Variants in HS3ST5 observed in about 807,000 individuals in gnomAD.
HS3ST5 encodes heparan sulfate glucosamine 3-O-sulfotransferase 5.
Under a neutral mutation model 25.4 loss-of-function variants are expected in HS3ST5, and 10 were observed. That is an observed-to-expected ratio of 0.39 (90% CI 0.24 to 0.67). The LOEUF is 0.67. Ranked by LOEUF, HS3ST5 falls within the 30% of genes least tolerant of loss-of-function variation. The pLI is 0.44. For missense variants in HS3ST5, 324 were observed against 420.7 expected, an observed-to-expected ratio of 0.77 and a Z score of 2.01; for synonymous variants, 170 against 162.4, an observed-to-expected ratio of 1.05 and a Z score of -0.36.
At chr6:114,276,883 G>A (rs1773880316) in intron 1 of HS3ST5, among the ~76,000 whole-genome samples, 1 of 151,880 alleles carries the variant, frequency 6.6e-6, no homozygotes. Context: ...TTGTATTTAT[G>A]TAAGGAAATA....
At position 114,194,784 on chromosome 6, in the gene HS3ST5, A is replaced by T. The variant is rs1406346792; in HGVS notation, c.-144-26322T>A. Among the ~76,000 whole-genome samples, 3 of 152,180 alleles carry T rather than the reference A, an allele frequency of 2.0e-5. No homozygotes were observed. In the East Asian group the frequency reaches 5.8e-4, roughly 29 times the overall value. On this transcript the variant is annotated intron_variant, in intron 2 of 4. Transcript: ENST00000312719. ...TGCACATGGGCAGGTCTCTCCTTTC[A>T]TGAATATTTATGACTCCTCCTATAG...
chr6:114,142,852 A>C (rs1370076563), intron 3 of HS3ST5: 1 of 152,222 alleles, frequency 6.6e-6, no homozygotes, highest in East Asian at 1.9e-4. Flanking sequence ...ACTGCTACTA[A>C]GTAAAAGTTA....
At chr6:114,306,694 G>A (rs774157102) in intron 1 of HS3ST5, among the ~76,000 whole-genome samples, 10 of 152,196 alleles carry the variant, frequency 6.6e-5, no homozygotes, top group Non-Finnish European at 1.0e-4. Flanking sequence ...AGCTATATGT[G>A]AAAGATACTA....
intron 2 of HS3ST5, among the ~76,000 whole-genome samples, chr6:114,205,927 C>A (rs1342362526): frequency 6.6e-6 from 1 of 152,142 alleles, no homozygotes; most frequent in African/African-American, 2.4e-5. Flanking sequence ...AAACCCCCAA[C>A]CCTACGATTC....
chr6:114,119,428 T>C (rs1256472068), intron 3 of HS3ST5, among the ~76,000 whole-genome samples: 2 of 152,240 alleles, frequency 1.3e-5, no homozygotes, highest in East Asian at 3.9e-4. Flanking sequence ...CTTTCAAAAG[T>C]TGGGGAGGCA....
At chr6:114,267,268 A>AGT (rs1327000745) in intron 1 of HS3ST5, among the ~76,000 whole-genome samples, 1 of 152,216 alleles carries the variant, frequency 6.6e-6, no homozygotes, top group African/African-American at 2.4e-5. Context: ...AAAGGTACCC[A>AGT]TTTTAAAGGG....
chr6:114,168,603 C>A (rs1779327443), intron 2 of HS3ST5, 141 bp from the exon 3 acceptor site: 1 of 152,270 alleles, frequency 6.6e-6, no homozygotes, highest in East Asian at 1.9e-4. Flanking sequence ...TTCTTTCTCT[C>A]TTTCTTTTTT....
intron 1 of HS3ST5, among the ~76,000 whole-genome samples, chr6:114,280,442 C>T (rs187132129): frequency 9.9e-5 from 15 of 152,006 alleles, no homozygotes; most frequent in Admixed American, 2.6e-4. Context: ...TCAGGAGGTA[C>T]GCCCTCTTCC....
chr6:114,159,770 T>A (rs1317990329), intron 3 of HS3ST5, among the ~76,000 whole-genome samples: 3 of 152,200 alleles, frequency 2.0e-5, no homozygotes. Context: ...TATCAAAAAA[T>A]TTTCTGGCAC....
chr6:114,221,130 C>T (rs1031563051), intron 2 of HS3ST5, among the ~76,000 whole-genome samples: 1 of 151,934 alleles, frequency 6.6e-6, no homozygotes, highest in African/African-American at 2.4e-5. Context: ...TTTCACACAC[C>T]TGTCAAACAA....
At chr6:114,161,871 CA>C (rs1350335653) in intron 3 of HS3ST5, among the ~76,000 whole-genome samples, 2 of 151,442 alleles carry the variant, frequency 1.3e-5, no homozygotes, top group African/African-American at 4.8e-5. Flanking sequence ...AATGAAGACA[CA>C]AAAACCCCCA....
In HS3ST5 at chr6:114,335,649, C is replaced by CT. The variant is rs939502327; in HGVS notation, c.-339+6545dup. ...GAATTAGCTGTCCCAAAAGCCTCCTCTTTTTTTTTTTTCTTTTTTTAAATT... is the reference window on the plus strand; with the variant it reads ...GAATTAGCTGTCCCAAAAGCCTCCTCTTTTTTTTTTTTTCTTTTTTTAAATT... On this transcript the variant is annotated intron_variant, in intron 1 of 4. Coordinates refer to ENST00000312719, the MANE Select transcript of HS3ST5 (RefSeq NM_153612.4). 2.6e-3 allele frequency among the ~76,000 whole-genome samples: 372 copies of CT among 144,728 alleles called. 3 individuals carry two copies. Among genetic ancestry groups the CT allele is most frequent in the Middle Eastern group, 0.021 (6 of 280 alleles). The allele number at this position is 144,728 out of a possible 152,430, so 94.9% of individuals were successfully genotyped here.
intron 3 of HS3ST5, among the ~76,000 whole-genome samples, chr6:114,134,953 A>T (rs961473617): frequency 6.6e-6 from 1 of 152,214 alleles, no homozygotes; most frequent in Non-Finnish European, 1.5e-5. Context: ...CCACGGCACA[A>T]GGGTTGCACA....
chr6:114,331,310 T>G (rs1407478245), intron 1 of HS3ST5, among the ~76,000 whole-genome samples: 1 of 152,186 alleles, frequency 6.6e-6, no homozygotes. Flanking sequence ...CAAAGTAAAT[T>G]TATAACTAAA....
chr6:114,316,556 A>G (rs1456139505), intron 1 of HS3ST5, among the ~76,000 whole-genome samples: 1 of 152,238 alleles, frequency 6.6e-6, no homozygotes, highest in African/African-American at 2.4e-5. Flanking sequence ...GATTCCAGAT[A>G]TACGCAAAAG....
At chr6:114,298,840 G>A (rs138360187) in intron 1 of HS3ST5, among the ~76,000 whole-genome samples, 25 of 152,208 alleles carry the variant, frequency 1.6e-4, no homozygotes, top group Non-Finnish European at 2.4e-4. Context: ...GATTTCCTAT[G>A]CCCGTCTTAT....
intron 1 of HS3ST5, among the ~76,000 whole-genome samples, chr6:114,308,938 T>A (rs1179259108): frequency 2.6e-5 from 4 of 152,206 alleles, no homozygotes; most frequent in African/African-American, 4.8e-5. Context: ...AGAAGGATGA[T>A]GTTCCCTTCA....
intron 1 of HS3ST5, among the ~76,000 whole-genome samples, chr6:114,338,657 G>A (rs932701639): frequency 6.6e-6 from 1 of 151,998 alleles, no homozygotes; most frequent in African/African-American, 2.4e-5. Flanking sequence ...TTAGATTGGT[G>A]ACTTTTAAAT....
intron 1 of HS3ST5, among the ~76,000 whole-genome samples, chr6:114,273,546 C>G (rs1052570299): frequency 6.6e-6 from 1 of 151,976 alleles, no homozygotes; most frequent in Non-Finnish European, 1.5e-5. Context: ...CCTTATGACA[C>G]TCTAAGAGGT....
Sources: gnomAD v4.1 joint callset for allele counts (sites outside exome capture counted in the v4.1 genomes callset) on GRCh38, gnomAD v4.1.1 for gene constraint, MANE v1.5 for transcripts, NCBI Gene and HGNC (gene_info 2026-07-23, HGNC 2026-07-21) for gene names.